CAB39L: variants seen among roughly 807,000 people sequenced by gnomAD.
CAB39L encodes calcium-binding protein 39-like.
CAB39L carries 23 observed loss-of-function variants against 39.1 expected under a neutral mutation model. The ratio of observed to expected loss-of-function variants is 0.59; its 90% CI spans 0.42 to 0.83. The LOEUF (loss-of-function observed/expected upper bound fraction) is 0.83. Among genes scored for constraint, CAB39L ranks in the 40% least tolerant of loss-of-function variants. The probability of loss-of-function intolerance (pLI) is 0.00; values close to 1 mark genes in which losing one functional copy is unlikely to be tolerated. For synonymous variants in CAB39L, 126 were observed against 137.2 expected (o/e 0.92, Z 0.57); for missense variants, 366 against 391.9 (o/e 0.93, Z 0.56).
intron 3 of CAB39L, among the ~76,000 whole-genome samples, chr13:49,396,179 G>A (rs1046444746): frequency 6.6e-6 from 1 of 151,706 alleles, no homozygotes; most frequent in African/African-American, 2.4e-5. Context: ...ATTTATATCT[G>A]AAGCCAAAAG....
In CAB39L at chr13:49,362,302, C is replaced by T. The variant is rs183809525; in HGVS notation, c.277-2470G>A. ...CAATAGAGATATATGACCTTTCAGA[C>T]AGAGAATTCAAAATCACTATTTTGA... is the stretch of plus-strand genomic sequence containing the variant. On this transcript the variant is annotated intron_variant, in intron 5 of 10. Transcript: ENST00000409308. Among the ~76,000 whole-genome samples, 158 of 151,972 alleles carry T rather than the reference C, an allele frequency of 1.0e-3. 1 individual carries two copies. The highest frequency in any genetic ancestry group is 3.7e-3 in the African/African-American group (154 of 41,472).
chr13:49,442,052 T>C (rs1443373876), intron 1 of CAB39L, among the ~76,000 whole-genome samples: 1 of 152,246 alleles, frequency 6.6e-6, no homozygotes, highest in East Asian at 1.9e-4. Flanking sequence ...TGTTTTGACA[T>C]TCTGAGTAAG....
chr13:49,382,760 G>T, intron 4 of CAB39L, 40 bp downstream of exon 4: 1 of 1,253,354 alleles, frequency 8.0e-7, no homozygotes, highest in Non-Finnish European at 1.2e-6. Flanking sequence ...GCATTGCGAT[G>T]CATGTACTTT....
intron 3 of CAB39L, among the ~76,000 whole-genome samples, chr13:49,398,877 T>C (rs1218301940): frequency 1.3e-5 from 2 of 152,058 alleles, no homozygotes; most frequent in African/African-American, 2.4e-5. Context: ...GAATGTCCCA[T>C]GTACTCAAGA....
chr13:49,364,659 T>C (rs1227815385), intron 5 of CAB39L, among the ~76,000 whole-genome samples: 4 of 151,762 alleles, frequency 2.6e-5, no homozygotes, highest in African/African-American at 9.7e-5. Flanking sequence ...GTGAACAATC[T>C]GAAGAAGAAA....
At chr13:49,313,069 C>T (rs1954040852) in intron 10 of CAB39L, among the ~76,000 whole-genome samples, 1 of 152,186 alleles carries the variant, frequency 6.6e-6, no homozygotes, top group Admixed American at 6.5e-5. Context: ...TTTTTGAACA[C>T]ATAATATCAT....
intron 3 of CAB39L, among the ~76,000 whole-genome samples, chr13:49,405,523 C>T (rs1384787398): frequency 3.3e-5 from 5 of 151,844 alleles, no homozygotes; most frequent in Admixed American, 6.6e-5. Flanking sequence ...ATCTGTAATC[C>T]CAGCACTTTG....
chr13:49,358,646 A>G (rs546800385), intron 6 of CAB39L, among the ~76,000 whole-genome samples: 3 of 152,292 alleles, frequency 2.0e-5, no homozygotes, highest in African/African-American at 7.2e-5. Context: ...AGATCACTTG[A>G]GGTCAGGAGG....
Position 49,359,750 on chromosome 13 carries a change from C to G in CAB39L, c.359G>C (p.Ser120Thr). Residue 120 changes from serine to threonine, a missense_variant, in exon 6 of 11, where the codon AGT becomes ACT. Physicochemically the swap from Ser to Thr is moderately conservative, Grantham distance 58 (BLOSUM62 1). Transcript: ENST00000409308. ...CATAAACAGGATATGAGGATGAGCA[C>G]TAATATACTCCACAGTAGGACTCCG... ...GTRSPTVEYI[S>T]AHPHILFMLL... The G allele has an allele frequency of 2.5e-6, 4 of 1,610,938 alleles. No homozygotes were observed. The highest frequency in any genetic ancestry group is 3.4e-6 in the Non-Finnish European group (4 of 1,177,236).
chr13:49,391,950 C>T (rs866666007), intron 3 of CAB39L, among the ~76,000 whole-genome samples: 2 of 66,136 alleles, frequency 3.0e-5, no homozygotes, highest in Non-Finnish European at 6.5e-5. Flanking sequence ...ATTGGGTTCA[C>T]ACACACACAC....
At chr13:49,406,103 A>G (rs1160880257) in intron 3 of CAB39L, among the ~76,000 whole-genome samples, 1 of 151,998 alleles carries the variant, frequency 6.6e-6, no homozygotes, top group African/African-American at 2.4e-5. Context: ...GCACAACAGG[A>G]TGACTACAGT....
At chr13:49,329,543 AAATATATATATATATATATATATATATAT>A (rs1406005146) in intron 10 of CAB39L, among the ~76,000 whole-genome samples, 1 of 33,430 alleles carries the variant, frequency 3.0e-5, no homozygotes, top group African/African-American at 1.9e-4. Context: ...TTAAAAAAAA[AAATATATATATATATATATATATATATAT>A]ATATATATAT....
chr13:49,417,873 C>A (rs1018815435), intron 3 of CAB39L, among the ~76,000 whole-genome samples: 3 of 152,116 alleles, frequency 2.0e-5, no homozygotes, highest in Non-Finnish European at 4.4e-5. Flanking sequence ...AGAATACCCA[C>A]TAGGGATGGC....
chr13:49,427,870 G>A (rs1336651530), intron 3 of CAB39L, among the ~76,000 whole-genome samples: 1 of 152,124 alleles, frequency 6.6e-6, no homozygotes, highest in Admixed American at 6.5e-5. Flanking sequence ...GTTCACAGAT[G>A]GCCATCTTTT....
At chr13:49,370,562 T>G (rs189727623) in intron 5 of CAB39L, among the ~76,000 whole-genome samples, 1 of 152,322 alleles carries the variant, frequency 6.6e-6, no homozygotes, top group Non-Finnish European at 1.5e-5. Flanking sequence ...CTTTGTGTTG[T>G]CCAGGGTGTC....
intron 1 of CAB39L, among the ~76,000 whole-genome samples, chr13:49,435,349 C>T (rs1377269242): frequency 2.0e-5 from 3 of 152,210 alleles, no homozygotes; most frequent in Non-Finnish European, 4.4e-5. Context: ...CTATTCCCTC[C>T]CATGCAGTTT....
At chr13:49,384,003 TAAAAG>T (rs1956302237) in intron 3 of CAB39L, among the ~76,000 whole-genome samples, 2 of 152,322 alleles carry the variant, frequency 1.3e-5, no homozygotes, top group African/African-American at 4.8e-5. Flanking sequence ...GGCGATTTCT[TAAAAG>T]AAGACAATAA....
intron 10 of CAB39L, among the ~76,000 whole-genome samples, chr13:49,330,338 G>A (rs1954655390): frequency 6.6e-6 from 1 of 152,138 alleles, no homozygotes; most frequent in Non-Finnish European, 1.5e-5. Flanking sequence ...TGGACTCTGC[G>A]TGTGGTGAGC....
chr13:49,383,331 G>A (rs1361733308), intron 3 of CAB39L, among the ~76,000 whole-genome samples: 1 of 152,034 alleles, frequency 6.6e-6, no homozygotes, highest in Non-Finnish European at 1.5e-5. Flanking sequence ...ATTATTACAA[G>A]AAGTTCCATG....
Sources: gnomAD v4.1 joint callset for allele counts (sites outside exome capture counted in the v4.1 genomes callset) on GRCh38, gnomAD v4.1.1 for gene constraint, MANE v1.5 for transcripts, NCBI Gene and HGNC (gene_info 2026-07-23, HGNC 2026-07-21) for gene names.